NFIA: variants seen among roughly 807,000 people sequenced by gnomAD.
The protein encoded by NFIA is nuclear factor 1 A-type.
A neutral mutation model predicts 62.8 loss-of-function variants in NFIA; 8 were observed. That is an observed-to-expected ratio of 0.13 (90% CI 0.07 to 0.23). The LOEUF is 0.23. NFIA is among the 10% of genes least tolerant of loss of function. NFIA has a pLI of 1.00. For missense variants in NFIA, 410 were observed against 642.1 expected, an observed-to-expected ratio of 0.64 and a Z score of 3.91; for synonymous variants, 235 against 238.1, an observed-to-expected ratio of 0.99 and a Z score of 0.12.
chr1:61,389,931 A>G (rs761745557), intron 7 of NFIA, among the ~76,000 whole-genome samples: 4 of 152,166 alleles, frequency 2.6e-5, no homozygotes, highest in Non-Finnish European at 5.9e-5. Context: ...CTGGGGACCC[A>G]TTAATTTTTT....
intron 2 of NFIA, among the ~76,000 whole-genome samples, chr1:61,123,234 G>C (rs1646916662): frequency 6.6e-6 from 1 of 152,190 alleles, no homozygotes; most frequent in Non-Finnish European, 1.5e-5. Flanking sequence ...CGGGAAACCT[G>C]CATAGTGAGG....
At chr1:61,418,966 T>C (rs12075436) in intron 9 of NFIA, among the ~76,000 whole-genome samples, 2,707 of 152,334 alleles carry the variant, frequency 0.018, 105 homozygotes, top group African/African-American at 0.062. Context: ...CCCATATACA[T>C]GGTTGCTTCT....
chr1:61,217,090 T>A, intron 2 of NFIA, among the ~76,000 whole-genome samples: 1 of 149,410 alleles, frequency 6.7e-6, no homozygotes. Flanking sequence ...GGAGTTTCAC[T>A]CTGTCACCCA....
chr1:61,176,910 C>T (rs1235106703), intron 2 of NFIA, among the ~76,000 whole-genome samples: 1 of 152,046 alleles, frequency 6.6e-6, no homozygotes, highest in Non-Finnish European at 1.5e-5. Flanking sequence ...CGAGACCATC[C>T]TGGCTAACAC....
chr1:61,125,454 C>A (rs548375632), intron 2 of NFIA, among the ~76,000 whole-genome samples: 2 of 152,246 alleles, frequency 1.3e-5, no homozygotes, highest in African/African-American at 4.8e-5. Flanking sequence ...TAAAAGAATT[C>A]GATAACCAAG....
intron 4 of NFIA, among the ~76,000 whole-genome samples, chr1:61,333,024 T>C (rs148441644): frequency 9.6e-4 from 144 of 150,712 alleles, no homozygotes; most frequent in African/African-American, 3.4e-3. Flanking sequence ...TGTAGTTTTG[T>C]TATGACATAA....
chr1:61,309,456 T>C (rs1659973970), intron 3 of NFIA, among the ~76,000 whole-genome samples: 1 of 150,002 alleles, frequency 6.7e-6, no homozygotes, highest in Non-Finnish European at 1.5e-5. Flanking sequence ...TAATACTTTT[T>C]CCCTTGCTTT....
intron 3 of NFIA, among the ~76,000 whole-genome samples, chr1:61,312,118 C>T (rs1229008921): frequency 8.5e-5 from 13 of 152,222 alleles, no homozygotes; most frequent in Non-Finnish European, 2.9e-5. Flanking sequence ...GTAACACCTG[C>T]ACTCTATATC....
intron 2 of NFIA, among the ~76,000 whole-genome samples, chr1:61,113,816 A>T (rs1646750203): frequency 6.6e-6 from 1 of 152,062 alleles, no homozygotes; most frequent in Non-Finnish European, 1.5e-5. Context: ...CATATGCACG[A>T]TTTGTCCTAG....
At chr1:61,237,590 A>G (rs1003256603) in intron 2 of NFIA, among the ~76,000 whole-genome samples, 4 of 152,210 alleles carry the variant, frequency 2.6e-5, no homozygotes, top group Non-Finnish European at 5.9e-5. Flanking sequence ...AATCAACAGA[A>G]TCAACAGGAG....
chr1:61,082,289 C>G (rs1646110252), upstream of NFIA: 1 of 328,834 alleles, frequency 3.0e-6, no homozygotes. Context: ...AGCGAGCGAG[C>G]CAGCCTGCGA....
chr1:61,397,257 T>C (rs1416294635), intron 7 of NFIA, among the ~76,000 whole-genome samples: 1 of 152,224 alleles, frequency 6.6e-6, no homozygotes, highest in Non-Finnish European at 1.5e-5. Context: ...CTTAGATATC[T>C]ATGGTATCTA....
intron 5 of NFIA, among the ~76,000 whole-genome samples, chr1:61,353,352 CGTCA>C (rs1166769730): frequency 2.0e-5 from 3 of 152,118 alleles, no homozygotes; most frequent in Non-Finnish European, 4.4e-5. Flanking sequence ...CTCCCTTTAA[CGTCA>C]CAAAGCCAAA....
intron 3 of NFIA, among the ~76,000 whole-genome samples, chr1:61,301,586 T>C (rs1659497823): frequency 6.6e-6 from 1 of 152,206 alleles, no homozygotes; most frequent in South Asian, 2.1e-4. Flanking sequence ...AAAGCAAGCA[T>C]TTACCCTTGT....
chr1:61,146,605 G>A (rs1648010177), intron 2 of NFIA, among the ~76,000 whole-genome samples: 1 of 152,172 alleles, frequency 6.6e-6, no homozygotes, highest in African/African-American at 2.4e-5. Flanking sequence ...GAATTTTCCT[G>A]GGCTTGTATA....
intron 3 of NFIA, among the ~76,000 whole-genome samples, chr1:61,329,683 G>A (rs573331878): frequency 5.9e-5 from 9 of 152,218 alleles, no homozygotes; most frequent in African/African-American, 2.2e-4. Context: ...TTTTTTACAT[G>A]TTTTTAGCTG....
chr1:61,112,419 G>A (rs1646710177), intron 2 of NFIA, among the ~76,000 whole-genome samples: 1 of 152,152 alleles, frequency 6.6e-6, no homozygotes, highest in Admixed American at 6.5e-5. Flanking sequence ...GTATGTGTGT[G>A]TATATGTGTG....
At chr1:61,302,185 C>A (rs1659529356) in intron 3 of NFIA, among the ~76,000 whole-genome samples, 1 of 152,104 alleles carries the variant, frequency 6.6e-6, no homozygotes, top group South Asian at 2.1e-4. Context: ...TGTAACATCT[C>A]CTAGTTTTAA....
chr1:61,398,941 T>C (rs191511466), intron 7 of NFIA, among the ~76,000 whole-genome samples: 1 of 152,350 alleles, frequency 6.6e-6, no homozygotes, highest in East Asian at 1.9e-4. Flanking sequence ...ACCCAAGCCA[T>C]TTTTATGTTC....
Sources: gnomAD v4.1 joint callset for allele counts (sites outside exome capture counted in the v4.1 genomes callset) on GRCh38, gnomAD v4.1.1 for gene constraint, MANE v1.5 for transcripts, NCBI Gene and HGNC (gene_info 2026-07-23, HGNC 2026-07-21) for gene names.